HAO1: variants seen among roughly 807,000 people sequenced by gnomAD.
HAO1 encodes 2-Hydroxyacid oxidase 1.
Under a neutral mutation model 39.7 loss-of-function variants are expected in HAO1, and 34 were observed. The observed-to-expected ratio is 0.86, with a 90% CI of 0.65 to 1.14. HAO1 has a LOEUF of 1.14. HAO1 is among the 50% of genes most tolerant of loss of function. The probability of loss-of-function intolerance (pLI) is 0.00; values close to 1 mark genes in which losing one functional copy is unlikely to be tolerated. For missense variants in HAO1, 479 were observed against 464.5 expected (o/e 1.03, Z -0.29); for synonymous variants, 172 against 173.2 (o/e 0.99, Z 0.05).
intron 4 of HAO1, among the ~76,000 whole-genome samples, chr20:7,905,479 AACCAAAGGTT>A (rs1416533401): frequency 6.6e-6 from 1 of 152,234 alleles, no homozygotes; most frequent in Non-Finnish European, 1.5e-5. Flanking sequence ...TTATCTATAT[AACCAAAGGTT>A]ATATACCACA....
chr20:7,910,639 A>G (rs2122773153), intron 3 of HAO1, among the ~76,000 whole-genome samples: 1 of 152,100 alleles, frequency 6.6e-6, no homozygotes, highest in South Asian at 2.1e-4. Flanking sequence ...TCTTATAAGG[A>G]CCCTTTTAAT....
intron 4 of HAO1, among the ~76,000 whole-genome samples, chr20:7,901,217 A>G (rs1353468489): frequency 6.6e-6 from 1 of 152,202 alleles, no homozygotes; most frequent in Non-Finnish European, 1.5e-5. Flanking sequence ...AGCTGCAGCA[A>G]GTTATCCAGG....
chr20:7,913,433 G>A (rs2050290048), intron 3 of HAO1, among the ~76,000 whole-genome samples: 1 of 152,124 alleles, frequency 6.6e-6, no homozygotes, highest in South Asian at 2.1e-4. Flanking sequence ...AAAATCTGAT[G>A]GGGAAAAGAG....
chr20:7,906,831 A>G (rs993315325), intron 3 of HAO1, among the ~76,000 whole-genome samples: 4 of 152,374 alleles, frequency 2.6e-5, no homozygotes, highest in Non-Finnish European at 4.4e-5. Context: ...ACAGAGGTAC[A>G]AAATGAATTG....
intron 1 of HAO1, among the ~76,000 whole-genome samples, chr20:7,936,910 A>C (rs2050415189): frequency 6.6e-6 from 1 of 151,824 alleles, no homozygotes; most frequent in African/African-American, 2.4e-5. Context: ...GCCCAACCCC[A>C]CTCCAAATTT....
intron 2 of HAO1, among the ~76,000 whole-genome samples, chr20:7,930,996 T>A (rs2050383207): frequency 6.6e-6 from 1 of 152,186 alleles, no homozygotes; most frequent in Non-Finnish European, 1.5e-5. Context: ...CTGATGACCA[T>A]CAGCTTTCTG....
chr20:7,885,134 C>A lies in HAO1; in HGVS notation c.1042+387G>T, dbSNP rs544697099. On this transcript the variant is annotated intron_variant, in intron 7 of 7. Coordinates refer to ENST00000378789, the MANE Select transcript of HAO1 (RefSeq NM_017545.3). ...ACTGATGGAGAAACTGCAGGTGGAG[C>A]AGGTTTAACGTGGAAAGTTAGCAGC... 2.6e-5 allele frequency among the ~76,000 whole-genome samples: 4 copies of A among 152,220 alleles called. No individual in the cohort carries two copies. In the South Asian group the frequency reaches 8.3e-4, roughly 32 times the overall value.
chr20:7,936,548 T>TGTGTGTGTGTTCG (rs1555775557), intron 1 of HAO1, among the ~76,000 whole-genome samples: 27 of 50,746 alleles, frequency 5.3e-4, no homozygotes, highest in South Asian at 1.2e-3. Context: ...GTGTGTGTGT[T>TGTGTGTGTGTTCG]CGCGCGCGCG....
chr20:7,914,346 A>G lies in HAO1; in HGVS notation c.363T>C (p.Ala121=). 1 of 1,613,980 alleles carries G rather than the reference A, an allele frequency of 6.2e-7. No individual in the cohort carries two copies. The highest frequency in any genetic ancestry group is 8.5e-7 in the Non-Finnish European group (1 of 1,179,942). ...ATSSIEEVAE[A]GPEALRWLQL... is the part of the protein sequence containing the mutation. Reference sequence around the variant, plus strand: ...GCAGCCAACGAAGTGCCTCAGGACCAGCTTCCGCCACTTCTTCAATTGAGG... The same window carrying G: ...GCAGCCAACGAAGTGCCTCAGGACCGGCTTCCGCCACTTCTTCAATTGAGG... Residue 121 remains alanine, a synonymous_variant, in exon 3 of 8, where the codon GCT becomes GCC. Transcript: ENST00000378789.
At chr20:7,885,398 C>A (rs755685249) in intron 7 of HAO1, 123 bp downstream of exon 7, 3 of 678,560 alleles carry the variant, frequency 4.4e-6, no homozygotes, top group East Asian at 5.3e-5. Context: ...ATGGAGTCAA[C>A]GTCAAATTTA....
intron 1 of HAO1, among the ~76,000 whole-genome samples, chr20:7,938,485 C>T (rs769646635): frequency 6.6e-6 from 1 of 151,994 alleles, no homozygotes. Context: ...CTAAGTTACT[C>T]GGTACACACA....
chr20:7,899,274 C>A (rs1261283351), intron 4 of HAO1, among the ~76,000 whole-genome samples: 2 of 151,994 alleles, frequency 1.3e-5, no homozygotes, highest in African/African-American at 2.4e-5. Flanking sequence ...ATATGATTAG[C>A]TTGTGGATTA....
intron 7 of HAO1, among the ~76,000 whole-genome samples, chr20:7,884,450 G>T (rs562018276): frequency 6.6e-6 from 1 of 152,170 alleles, no homozygotes; most frequent in Non-Finnish European, 1.5e-5. Flanking sequence ...AACTGGAGTC[G>T]AATAGATGGG....
chr20:7,903,022 AG>A lies in HAO1; in HGVS notation c.721+3131del, dbSNP rs199667526. On this transcript the variant is annotated intron_variant, in intron 4 of 7. Transcript: ENST00000378789. ...CTTTTCTGAAAAAGGAAAATGAAAG[AG>A]GATGGGTGACTCTCAGTCAATCCAT... Among the ~76,000 whole-genome samples, 4 of 152,244 alleles carry A rather than the reference AG, an allele frequency of 2.6e-5. No individual in the cohort carries two copies. In the East Asian group the frequency reaches 5.8e-4, roughly 22 times the overall value.
chr20:7,896,370 GT>G (rs1019410300), intron 4 of HAO1, among the ~76,000 whole-genome samples: 1 of 152,102 alleles, frequency 6.6e-6, no homozygotes, highest in Non-Finnish European at 1.5e-5. Context: ...AAGCAAATGG[GT>G]ATAGGTCATT....
At chr20:7,893,851 C>T (rs906159196) in intron 5 of HAO1, among the ~76,000 whole-genome samples, 2 of 152,116 alleles carry the variant, frequency 1.3e-5, no homozygotes, top group Non-Finnish European at 1.5e-5. Context: ...ATTGCAATTC[C>T]CCGTCTTGAT....
At chr20:7,894,996 G>T (rs1196866656) in intron 5 of HAO1, 137 bp downstream of exon 5, 1 of 637,766 alleles carries the variant, frequency 1.6e-6, no homozygotes, top group Non-Finnish European at 2.8e-6. Context: ...TAAAATCCAA[G>T]ATCTCACATA....
At chr20:7,925,652 CA>C (rs1315833566) in intron 2 of HAO1, among the ~76,000 whole-genome samples, 1 of 152,132 alleles carries the variant, frequency 6.6e-6, no homozygotes, top group African/African-American at 2.4e-5. Flanking sequence ...AGTTTGCACA[CA>C]ACAACTTCAA....
intron 2 of HAO1, among the ~76,000 whole-genome samples, chr20:7,929,725 G>T (rs7271299): frequency 5.4e-4 from 82 of 152,158 alleles, no homozygotes; most frequent in Non-Finnish European, 1.1e-3. Context: ...TTAGCCAGCC[G>T]TCGCGGTGCG....
Sources: gnomAD v4.1 joint callset for allele counts (sites outside exome capture counted in the v4.1 genomes callset) on GRCh38, gnomAD v4.1.1 for gene constraint, MANE v1.5 for transcripts, NCBI Gene and HGNC (gene_info 2026-07-23, HGNC 2026-07-21) for gene names.